Variants in MYOM3 observed in about 807,000 individuals in gnomAD.
The protein encoded by MYOM3 is myomesin 3, also known as myomesin-3.
MYOM3 carries 155 observed loss-of-function variants against 191.7 expected under a neutral mutation model. That is an observed-to-expected ratio of 0.81 (90% CI 0.71 to 0.92). The LOEUF (loss-of-function observed/expected upper bound fraction) is 0.92, where lower values mean the gene tolerates loss of function less well. Ranked by LOEUF, MYOM3 falls within the 40% of genes least tolerant of loss-of-function variation. The pLI, the probability that MYOM3 is intolerant of heterozygous loss-of-function variation, is 0.00. For missense variants in MYOM3, 1,889 were observed against 1,890.6 expected, an observed-to-expected ratio of 1.00 and a Z score of 0.02; for synonymous variants, 757 against 762.9, an observed-to-expected ratio of 0.99 and a Z score of 0.13.
chr1:24,061,991 CA>C lies in MYOM3; in HGVS notation c.3888del (p.Ala1297GlnfsTer27), dbSNP rs780850048. The C allele has an allele frequency of 6.2e-7, 1 of 1,614,206 alleles. No individual in the cohort carries two copies. Among genetic ancestry groups the C allele is most frequent in the Non-Finnish European group, 8.5e-7 (1 of 1,180,042 alleles). ...SDKGKYTLEI[A>X]AGKEVRQLST... ...GAGAGCTGCCGGACTTCCTTCCCTG[CA>C]GCTATTTCCAGAGTGTATTTGCCCT... On this transcript the variant is annotated frameshift_variant, in exon 33 of 37. Coordinates refer to ENST00000374434, the MANE Select transcript of MYOM3 (RefSeq NM_152372.4). LOFTEE classifies it high-confidence loss of function.
In MYOM3 at chr1:24,063,686, A is replaced by C. The variant is rs539032929; in HGVS notation, c.3623-156T>G. The stretch of plus-strand genomic sequence containing the variant: ...ATGACTCTCATAGCTTGGGGATAGG[A>C]GGGGGTTCAGGGCACTCAGCAATGG... On this transcript the variant is annotated intron_variant, in intron 30 of 36. Transcript: ENST00000374434. This position sits in a 1 kb window ranked among gnomAD's most constrained non-coding sequence, Gnocchi z 4.5. 3.3e-5 allele frequency among the ~76,000 whole-genome samples: 5 copies of C among 152,064 alleles called. No individual in the cohort carries two copies. The highest frequency in any genetic ancestry group is 3.3e-4 in the Admixed American group (5 of 15,268).
At position 24,107,237 on chromosome 1, in the gene MYOM3, C is replaced by A. The variant is rs138893877; in HGVS notation, c.243-5G>T. 3 of 1,593,112 alleles carry A rather than the reference C, an allele frequency of 1.9e-6. No individual in the cohort carries two copies. The highest frequency in any genetic ancestry group is 1.7e-6 in the Non-Finnish European group (2 of 1,169,172). ...TGGCGTCTCAGCTGGGCTTCCCTGC[C>A]GTGACAGAGGCCATCGGGGCTCAGG... On this transcript the variant is annotated splice_region_variant and splice_polypyrimidine_tract_variant and intron_variant, in intron 3 of 36. Coordinates refer to ENST00000374434, the MANE Select transcript of MYOM3 (RefSeq NM_152372.4).
chr1:24,093,068 G>A lies in MYOM3; in HGVS notation c.969C>T (p.Tyr323=). 6.2e-7 allele frequency: 1 copy of A among 1,612,694 alleles called. No homozygotes were observed. The highest frequency in any genetic ancestry group is 8.5e-7 in the Non-Finnish European group (1 of 1,179,888). ...LRSSRRRKIL[Y]TDRQASLKVS... is the part of the protein sequence containing the mutation. Reference sequence around the variant, plus strand: ...CCTTCAGGGATGCCTGGCGGTCTGTGTAGAGGATCTTCCGACGTCTCGAGG... The same window carrying A: ...CCTTCAGGGATGCCTGGCGGTCTGTATAGAGGATCTTCCGACGTCTCGAGG... The change falls in exon 10 of 37, where the codon TAC becomes TAT. Residue 323 remains tyrosine, a synonymous_variant. Coordinates refer to ENST00000374434, the MANE Select transcript of MYOM3 (RefSeq NM_152372.4).
intron 17 of MYOM3, 151 bp from the exon 18 acceptor site, chr1:24,082,339 G>A: frequency 1.1e-6 from 1 of 874,742 alleles, no homozygotes; most frequent in Non-Finnish European, 1.7e-6. Context: ...TGCCTCAGGA[G>A]GGCATCGGAG....
chr1:24,071,290 C>T (rs749944671), intron 24 of MYOM3, 37 bp from the exon 25 acceptor site: 1 of 1,581,040 alleles, frequency 6.3e-7, no homozygotes, highest in East Asian at 2.3e-5. Flanking sequence ...TGGGTTGGAC[C>T]CCTTCTCCCT....
chr1:24,082,223 C>A, intron 17 of MYOM3, 35 bp from the exon 18 acceptor site: 1 of 1,546,118 alleles, frequency 6.5e-7, no homozygotes, highest in South Asian at 1.3e-5. Flanking sequence ...ACAGCTGCTC[C>A]CTAGGGGTGG....
At position 24,084,606 on chromosome 1, in the gene MYOM3, A is replaced by C. The variant is rs765295801; in HGVS notation, c.1832T>G (p.Phe611Cys). Residue 611 changes from phenylalanine to cysteine, a missense_variant, in exon 16 of 37, where the codon TTC becomes TGC. Physicochemically the swap from Phe to Cys is radical, Grantham distance 205. Transcript: ENST00000374434. ...GGAGACAGAGGTCTGTGTGTCTCTG[A>C]AAGCTTGAACTTGAGCTGGAGGAGG... is the stretch of plus-strand genomic sequence containing the variant. The part of the protein sequence containing the change: ...TLPPPAQVQA[F>C]RDTQTSVSLT... 2 of 1,613,600 alleles carry C rather than the reference A, an allele frequency of 1.2e-6. No individual in the cohort carries two copies. The highest frequency in any genetic ancestry group is 1.7e-6 in the Non-Finnish European group (2 of 1,179,806).
chr1:24,071,847 C>G, intron 24 of MYOM3, 122 bp downstream of exon 24: 4 of 1,017,596 alleles, frequency 3.9e-6, no homozygotes, highest in Admixed American at 1.8e-5. Context: ...CTCTGTGATT[C>G]TCCCACCCTC....
chr1:24,099,638 C>A, intron 6 of MYOM3, 42 bp downstream of exon 6: 3 of 1,508,048 alleles, frequency 2.0e-6, no homozygotes, highest in Non-Finnish European at 1.8e-6. Context: ...TCGGCGGTGG[C>A]AGGGTCTGGG....
rs369392048 is a variant in MYOM3 at position 24,107,173 on chromosome 1, C to T, written c.302G>A (p.Arg101Gln). ...AVELEERGQK[R>Q]VGFGNDWERT... ...CTCCCAGTCATTGCCGAAGCCCACC[C>T]GCTTCTGCCCTCGCTCCTCCAGCTC... The change falls in exon 4 of 37, where the codon CGG becomes CAG. Residue 101 changes from arginine to glutamine, a missense_variant. Transcript: ENST00000374434. The T allele has an allele frequency of 2.6e-4, 414 of 1,610,836 alleles. No homozygotes were observed. Among genetic ancestry groups the T allele is most frequent in the Non-Finnish European group, 3.3e-4 (387 of 1,178,730 alleles).
intron 20 of MYOM3, 90 bp from the exon 21 acceptor site, chr1:24,076,363 A>C: frequency 1.1e-6 from 1 of 872,564 alleles, no homozygotes; most frequent in Non-Finnish European, 1.9e-6. Context: ...ACTCTCAATA[A>C]GAAAACCCTC....
rs1362487014 is a variant in MYOM3, at chr1:24,099,586, G to C, written c.656+94C>G. The stretch of plus-strand genomic sequence containing the variant: ...AGAGACTTCTGAAGGAGGTGAACTT[G>C]GGCCTCAGCTCCGAGGAAGGGTTTG... On this transcript the variant is annotated intron_variant, in intron 6 of 36. Coordinates refer to ENST00000374434, the MANE Select transcript of MYOM3 (RefSeq NM_152372.4). 10 of 955,672 alleles carry C rather than the reference G, an allele frequency of 1.0e-5. No homozygotes were observed. In the South Asian group the frequency reaches 1.2e-4, roughly 12 times the overall value. The allele number at this position is 955,672 out of a possible 1,614,324, so 59.2% of individuals were successfully genotyped here.
chr1:24,089,758 CT>C (rs1307296331), intron 13 of MYOM3, 93 bp from the exon 14 acceptor site: 3 of 1,402,266 alleles, frequency 2.1e-6, no homozygotes, highest in Non-Finnish European at 2.9e-6. Flanking sequence ...AACTACACCC[CT>C]ACCCATCCCC....
intron 7 of MYOM3, among the ~76,000 whole-genome samples, chr1:24,096,297 A>G (rs1365124725): frequency 6.6e-6 from 1 of 152,212 alleles, no homozygotes; most frequent in Non-Finnish European, 1.5e-5. Context: ...TACGGAGATG[A>G]AAGCAGAGAA....
At position 24,080,150 on chromosome 1, in the gene MYOM3, G is replaced by A. The variant is rs748147901; in HGVS notation, c.2452C>T (p.Leu818=). ...AGTGGGGGTTCCCACTGCAGCACCA[G>A]GGATGTGGCCCGCACCTCGGATGCC... The part of the protein sequence containing the change: ...VRASEVRATS[L]VLQWEPPLYM... Residue 818 remains leucine (L), a synonymous_variant, in exon 20 of 37, where the codon CTG becomes TTG. Coordinates refer to ENST00000374434, the MANE Select transcript of MYOM3 (RefSeq NM_152372.4). 1.2e-6 allele frequency: 2 copies of A among 1,613,890 alleles called. No individual in the cohort carries two copies. Among genetic ancestry groups the A allele is most frequent in the Non-Finnish European group, 1.7e-6 (2 of 1,179,872 alleles).
At chr1:24,099,321 G>A (rs1173103414) in intron 6 of MYOM3, among the ~76,000 whole-genome samples, 3 of 151,862 alleles carry the variant, frequency 2.0e-5, no homozygotes, top group Non-Finnish European at 4.4e-5. Flanking sequence ...TGCATATTAT[G>A]GTATTTTTCT....
At chr1:24,106,246 C>T (rs935936599) in intron 4 of MYOM3, among the ~76,000 whole-genome samples, 169 bp from the exon 5 acceptor site, 2 of 152,206 alleles carry the variant, frequency 1.3e-5, no homozygotes, top group African/African-American at 2.4e-5. Context: ...AGAGCATGGG[C>T]TTTGGAGCCA....
At chr1:24,084,423 T>C in intron 16 of MYOM3, 45 bp downstream of exon 16, 1 of 1,600,962 alleles carries the variant, frequency 6.2e-7, no homozygotes, top group Non-Finnish European at 8.6e-7. Flanking sequence ...CAGGTATGTC[T>C]TTATAGCAGT....
rs571717474 is a variant in MYOM3 at position 24,093,975 on chromosome 1, C to T, written c.929-867G>A. Among the ~76,000 whole-genome samples the T allele has an allele frequency of 2.0e-5, 3 of 152,214 alleles. No individual in the cohort carries two copies. The South Asian group carries it at 6.2e-4, about 32-fold the overall frequency. ...CCACGTCTTCCTGCCTTGGCTCTGA[C>T]CAGGCTTCTCAAGGCCTCGCCTGAG... is the stretch of plus-strand genomic sequence containing the variant. On this transcript the variant is annotated intron_variant, in intron 9 of 36. Coordinates refer to ENST00000374434, the MANE Select transcript of MYOM3 (RefSeq NM_152372.4).
Sources: gnomAD v4.1 joint callset for allele counts (sites outside exome capture counted in the v4.1 genomes callset) on GRCh38, gnomAD v4.1.1 for gene constraint, Gnocchi (gnomAD v3.1) non-coding constraint, MANE v1.5 for transcripts, NCBI Gene and HGNC (gene_info 2026-07-23, HGNC 2026-07-21) for gene names.